DKK2: variants seen among roughly 807,000 people sequenced by gnomAD.
DKK2 encodes the protein dickkopf-related protein 2.
A neutral mutation model predicts 28.1 loss-of-function variants in DKK2; 11 were observed. That is an observed-to-expected ratio of 0.39 (90% CI 0.25 to 0.65). The LOEUF is 0.65. Ranked by LOEUF, DKK2 falls within the 30% of genes least tolerant of loss-of-function variation. The pLI is 0.47. For synonymous variants in DKK2, 135 were observed against 126.5 expected (o/e 1.07, Z -0.45); for missense variants, 326 against 335.5 (o/e 0.97, Z 0.22).
chr4:106,978,771 G>A lies in DKK2; in HGVS notation c.223-52822C>T, dbSNP rs140293663. Among the ~76,000 whole-genome samples, 362 of 151,700 alleles carry A rather than the reference G, an allele frequency of 2.4e-3. 7 individuals carry two copies. In the East Asian group the frequency reaches 0.042, roughly 18 times the overall value. On this transcript the variant is annotated intron_variant, in intron 1 of 3. Coordinates refer to ENST00000285311, the MANE Select transcript of DKK2 (RefSeq NM_014421.3). The stretch of plus-strand genomic sequence containing the variant: ...AATGGTTTTGTCTTGCTGGCGTTCC[G>A]GGTGCCACTGGGGTATGATAAAAAA...
rs956631977 is a variant in DKK2, at chr4:107,035,777, T to G, written c.-186A>C. 6.5e-6 allele frequency: 4 copies of G among 611,756 alleles called. No homozygotes were observed. The highest frequency in any genetic ancestry group is 1.8e-5 in the African/African-American group (1 of 54,160). 37.9% of individuals were successfully genotyped at this position (611,756 alleles called of 1,614,324 possible). A position where few individuals can be genotyped will look rare whatever the true frequency, so the allele number is the denominator to read the frequency against. On this transcript the variant is annotated 5_prime_UTR_variant, in exon 1 of 4. Transcript: ENST00000285311. ...CAGTCTCACGCCTCAGGACAGAAATTAGCGGAACCCAAGCGAGACCCGCTT... is the reference window on the plus strand; with the variant it reads ...CAGTCTCACGCCTCAGGACAGAAATGAGCGGAACCCAAGCGAGACCCGCTT...
intron 1 of DKK2, among the ~76,000 whole-genome samples, chr4:107,009,812 C>T (rs1051454204): frequency 5.9e-5 from 9 of 151,698 alleles, no homozygotes; most frequent in Admixed American, 1.3e-4. Flanking sequence ...CATTTTATTA[C>T]GCAAAAAGCA....
intron 1 of DKK2, among the ~76,000 whole-genome samples, chr4:107,002,856 A>G (rs953203538): frequency 6.6e-6 from 1 of 152,172 alleles, no homozygotes; most frequent in African/African-American, 2.4e-5. Flanking sequence ...GACTTTTCTC[A>G]TCTCTCTTTC....
intron 1 of DKK2, among the ~76,000 whole-genome samples, chr4:107,022,334 C>A (rs17037237): frequency 0.27 from 40,557 of 151,960 alleles, 5,669 homozygotes; most frequent in East Asian, 0.53. Context: ...GCAATTAGCA[C>A]GTTGACTGAC....
intron 1 of DKK2, among the ~76,000 whole-genome samples, chr4:106,972,192 C>T (rs754576808): frequency 2.6e-5 from 4 of 151,880 alleles, no homozygotes; most frequent in Non-Finnish European, 5.9e-5. Context: ...GTGCCATCTA[C>T]CCCCGCCTCA....
intron 1 of DKK2, among the ~76,000 whole-genome samples, chr4:106,981,693 T>C (rs569249109): frequency 6.6e-6 from 1 of 152,278 alleles, no homozygotes; most frequent in African/African-American, 2.4e-5. Flanking sequence ...ATCCTACCTA[T>C]CTTTTCAGGT....
intron 1 of DKK2, among the ~76,000 whole-genome samples, chr4:106,982,462 C>T (rs960584099): frequency 6.6e-6 from 1 of 152,158 alleles, no homozygotes; most frequent in African/African-American, 2.4e-5. Context: ...GCTGCTAGTG[C>T]TGGGTACCTC....
intron 1 of DKK2, among the ~76,000 whole-genome samples, chr4:107,004,122 G>A (rs186898817): frequency 2.8e-3 from 428 of 152,254 alleles, no homozygotes; most frequent in Non-Finnish European, 5.2e-3. Context: ...TTTAAATTAA[G>A]CCCACCATTC....
intron 1 of DKK2, among the ~76,000 whole-genome samples, chr4:106,989,661 G>A (rs903638454): frequency 6.6e-6 from 1 of 152,130 alleles, no homozygotes; most frequent in African/African-American, 2.4e-5. Context: ...AAGGAAGCTT[G>A]TTTCTTTTCT....
At chr4:106,929,169 C>T (rs550002433) in intron 1 of DKK2, among the ~76,000 whole-genome samples, 28 of 152,184 alleles carry the variant, frequency 1.8e-4, no homozygotes, top group African/African-American at 5.5e-4. Context: ...TTCCCTTTAA[C>T]GAAATCAATA....
chr4:106,985,980 C>G (rs1379374197), intron 1 of DKK2, among the ~76,000 whole-genome samples: 1 of 152,004 alleles, frequency 6.6e-6, no homozygotes, highest in African/African-American at 2.4e-5. Context: ...ACCAGGAAAC[C>G]TTTCAGATCT....
At chr4:106,999,762 T>C (rs1460657422) in intron 1 of DKK2, among the ~76,000 whole-genome samples, 4 of 152,222 alleles carry the variant, frequency 2.6e-5, no homozygotes, top group Non-Finnish European at 5.9e-5. Context: ...ATAGATTTAA[T>C]TTAAAAATAT....
chr4:107,011,740 G>T (rs779938356), intron 1 of DKK2, among the ~76,000 whole-genome samples: 1 of 151,026 alleles, frequency 6.6e-6, no homozygotes, highest in Non-Finnish European at 1.5e-5. Flanking sequence ...TTTTGAGTGT[G>T]TTGATAAAAA....
chr4:107,010,251 TA>T (rs1159922281), intron 1 of DKK2, among the ~76,000 whole-genome samples: 1 of 151,788 alleles, frequency 6.6e-6, no homozygotes, highest in Non-Finnish European at 1.5e-5. Flanking sequence ...CTTAAAACTA[TA>T]AAGTGTCCAG....
chr4:106,943,333 G>C (rs1724729511), intron 1 of DKK2, among the ~76,000 whole-genome samples: 1 of 151,888 alleles, frequency 6.6e-6, no homozygotes, highest in African/African-American at 2.4e-5. Context: ...CATTATACCT[G>C]GAATAATTTA....
chr4:106,931,069 A>T (rs1724495777), intron 1 of DKK2, among the ~76,000 whole-genome samples: 1 of 152,184 alleles, frequency 6.6e-6, no homozygotes, highest in African/African-American at 2.4e-5. Flanking sequence ...GCAGGGACTT[A>T]TATGTCAATC....
intron 1 of DKK2, among the ~76,000 whole-genome samples, chr4:107,007,714 T>C (rs886233172): frequency 6.6e-6 from 1 of 152,174 alleles, no homozygotes; most frequent in Non-Finnish European, 1.5e-5. Flanking sequence ...AAGACCTTTA[T>C]AAACTAATGA....
chr4:106,943,898 A>T (rs1724738946), intron 1 of DKK2, among the ~76,000 whole-genome samples: 1 of 152,116 alleles, frequency 6.6e-6, no homozygotes, highest in Non-Finnish European at 1.5e-5. Flanking sequence ...GAGCTATGAC[A>T]ATAGGTGTTT....
intron 1 of DKK2, among the ~76,000 whole-genome samples, chr4:106,948,036 T>C (rs1264052798): frequency 6.6e-6 from 1 of 152,162 alleles, no homozygotes. Flanking sequence ...CCAAAACATT[T>C]CCATCACTCC....
Sources: allele counts gnomAD v4.1 joint callset (sites outside exome capture counted in the v4.1 genomes callset), GRCh38; gene constraint gnomAD v4.1.1; transcripts MANE v1.5; gene names NCBI Gene and HGNC (gene_info 2026-07-23, HGNC 2026-07-21).